Variants in IQGAP1 observed in about 807,000 individuals in gnomAD.
The protein encoded by IQGAP1 is IQ motif containing GTPase activating protein 1, also known as ras GTPase-activating-like protein IQGAP1.
Under a neutral mutation model 215.6 loss-of-function variants are expected in IQGAP1, and 66 were observed. That is an observed-to-expected ratio of 0.31 (90% CI 0.25 to 0.38). The LOEUF (loss-of-function observed/expected upper bound fraction) is 0.38. Among genes scored for constraint, IQGAP1 ranks in the 10% least tolerant of loss-of-function variants. The pLI, the probability that IQGAP1 is intolerant of heterozygous loss-of-function variation, is 1.00. For missense variants in IQGAP1, 1,712 were observed against 1,997.1 expected (o/e 0.86, Z 2.72); for synonymous variants, 772 against 728.7 (o/e 1.06, Z -0.96).
intron 2 of IQGAP1, among the ~76,000 whole-genome samples, chr15:90,394,802 ACTT>A (rs200675826): frequency 1.1e-5 from 1 of 95,176 alleles, no homozygotes; most frequent in Non-Finnish European, 1.9e-5. Flanking sequence ...TAATACCTCT[ACTT>A]CTACTAAAAG....
intron 23 of IQGAP1, among the ~76,000 whole-genome samples, chr15:90,475,324 G>T (rs1009553939): frequency 6.6e-6 from 1 of 151,722 alleles, no homozygotes; most frequent in South Asian, 2.1e-4. Context: ...TAGAGACGGG[G>T]GTTTCACCAT....
chr15:90,429,933 T>C (rs1567123597), intron 4 of IQGAP1: 2 of 250,002 alleles, frequency 8.0e-6, no homozygotes, highest in Non-Finnish European at 1.5e-5. Context: ...CATTTTACTA[T>C]TTTTCCTTAG....
intron 2 of IQGAP1, among the ~76,000 whole-genome samples, chr15:90,397,414 ATTTGTCCTT>A: frequency 6.6e-6 from 1 of 151,578 alleles, no homozygotes. Context: ...GTGAGCCCAA[ATTTGTCCTT>A]TGCAGAATGG....
intron 2 of IQGAP1, among the ~76,000 whole-genome samples, chr15:90,409,762 C>T (rs759445934): frequency 1.3e-5 from 2 of 152,178 alleles, no homozygotes; most frequent in East Asian, 1.9e-4. Flanking sequence ...CTTAGTTCCA[C>T]CAACAGTGTA....
chr15:90,495,917 A>G (rs1483320976), intron 36 of IQGAP1, among the ~76,000 whole-genome samples: 1 of 149,138 alleles, frequency 6.7e-6, no homozygotes, highest in African/African-American at 2.5e-5. Flanking sequence ...ACAGGCCTTT[A>G]TTATTATGTT....
chr15:90,448,251 G>T (rs1202098153), intron 9 of IQGAP1, among the ~76,000 whole-genome samples: 1 of 152,172 alleles, frequency 6.6e-6, no homozygotes, highest in Non-Finnish European at 1.5e-5. Flanking sequence ...CATTTTAAGG[G>T]AATTTAAGCG....
At chr15:90,418,366 C>T (rs1965083131) in intron 2 of IQGAP1, among the ~76,000 whole-genome samples, 1 of 151,900 alleles carries the variant, frequency 6.6e-6, no homozygotes, top group Non-Finnish European at 1.5e-5. Context: ...GTGGAAGGAT[C>T]CCTTGAGCCC....
intron 2 of IQGAP1, among the ~76,000 whole-genome samples, chr15:90,400,750 G>A (rs1285187529): frequency 6.6e-6 from 1 of 152,148 alleles, no homozygotes; most frequent in Non-Finnish European, 1.5e-5. Context: ...TGTCCCTAAT[G>A]ACAAAATAGT....
intron 26 of IQGAP1, among the ~76,000 whole-genome samples, chr15:90,478,782 AT>A (rs2151034095): frequency 6.6e-6 from 1 of 152,250 alleles, no homozygotes; most frequent in African/African-American, 2.4e-5. Flanking sequence ...GTTCATATAG[AT>A]TGGGTGAGAT....
At chr15:90,496,954 C>T (rs1021282574) in intron 36 of IQGAP1, 4 of 252,960 alleles carry the variant, frequency 1.6e-5, no homozygotes, top group Admixed American at 5.4e-5. Context: ...GATGTCATCC[C>T]TTCACACGCC....
chr15:90,492,609 C>T lies in IQGAP1; in HGVS notation c.4526C>T (p.Thr1509Ile). 1 of 1,614,024 alleles carries T rather than the reference C, an allele frequency of 6.2e-7. No homozygotes were observed. Among genetic ancestry groups the T allele is most frequent in the Non-Finnish European group, 8.5e-7 (1 of 1,179,922 alleles). The change falls in exon 35 of 38, where the codon ACA (threonine) becomes ATA (isoleucine). Residue 1509 changes from threonine (T) to isoleucine (I), a missense_variant. Physicochemically the swap from Thr to Ile is moderately conservative, Grantham distance 89. Transcript: ENST00000268182. The stretch of plus-strand genomic sequence containing the variant: ...GCCGAACTAGTGAAACTGCAACAGA[C>T]ATACGCTGCTCTGAACTCTAAGGCC... ...RKAELVKLQQ[T>I]YAALNSKATF...
At chr15:90,450,884 C>T (rs560403674) in intron 11 of IQGAP1, among the ~76,000 whole-genome samples, 11 of 146,048 alleles carry the variant, frequency 7.5e-5, no homozygotes, top group East Asian at 4.0e-4. Flanking sequence ...TCAGATGGAT[C>T]GTTTGCAAAT....
intron 17 of IQGAP1, 136 bp downstream of exon 17, chr15:90,466,572 G>A: frequency 1.2e-6 from 1 of 823,180 alleles, no homozygotes; most frequent in Non-Finnish European, 1.9e-6. Context: ...CATTTTAAAG[G>A]AGATAAAATC....
chr15:90,396,048 C>T (rs1964714416), intron 2 of IQGAP1, among the ~76,000 whole-genome samples: 1 of 152,206 alleles, frequency 6.6e-6, no homozygotes, highest in Non-Finnish European at 1.5e-5. Context: ...CTGTCAGCAA[C>T]TCCACGGTGA....
chr15:90,473,018 A>G lies in IQGAP1; in HGVS notation c.2349+8A>G. Reference sequence around the variant, plus strand: ...GCCATCACCTGCATTCAGGTATTTCAGAACCTATCACACAGACAGCAAGCG... The same window carrying G: ...GCCATCACCTGCATTCAGGTATTTCGGAACCTATCACACAGACAGCAAGCG... On this transcript the variant is annotated splice_region_variant and intron_variant, in intron 19 of 37. Transcript: ENST00000268182. 2 of 1,612,976 alleles carry G rather than the reference A, an allele frequency of 1.2e-6. No individual in the cohort carries two copies. The highest frequency in any genetic ancestry group is 1.7e-6 in the Non-Finnish European group (2 of 1,179,220).
chr15:90,442,438 C>G (rs980809369), intron 8 of IQGAP1, among the ~76,000 whole-genome samples: 6 of 137,192 alleles, frequency 4.4e-5, no homozygotes, highest in Admixed American at 1.6e-4. Context: ...GGGCGAGACT[C>G]CGTCTCGGGG....
chr15:90,434,884 G>A (rs925399170), intron 5 of IQGAP1, among the ~76,000 whole-genome samples: 5 of 152,132 alleles, frequency 3.3e-5, no homozygotes, highest in Non-Finnish European at 5.9e-5. Flanking sequence ...TAGTATTTTA[G>A]CAGATTTACT....
In IQGAP1 at chr15:90,466,336, C is replaced by T. The variant is rs190850590; in HGVS notation, c.1935C>T (p.Ala645=). ...ESGDVGKTLS[A]LRSPDVGLYG... is the part of the protein sequence containing the mutation. ...GTGATGTTGGCAAAACACTGAGTGC[C>T]CTTCGCTCCCCTGATGTTGGCTTGT... is the stretch of plus-strand genomic sequence containing the variant. The change falls in exon 17 of 38, where the codon GCC becomes GCT. Residue 645 remains alanine (A), a synonymous_variant. Coordinates refer to ENST00000268182, the MANE Select transcript of IQGAP1 (RefSeq NM_003870.4). The T allele has an allele frequency of 6.2e-7, 1 of 1,614,078 alleles. No homozygotes were observed. Among genetic ancestry groups the T allele is most frequent in the East Asian group, 2.2e-5 (1 of 44,884 alleles).
chr15:90,431,160 A>G (rs1179836952), intron 4 of IQGAP1: 2 of 151,636 alleles, frequency 1.3e-5, no homozygotes, highest in African/African-American at 4.8e-5. Context: ...ATACCTGTGG[A>G]ATTGTGTTAA....
Sources: allele counts gnomAD v4.1 joint callset (sites outside exome capture counted in the v4.1 genomes callset), GRCh38; gene constraint gnomAD v4.1.1; transcripts MANE v1.5; gene names NCBI Gene and HGNC (gene_info 2026-07-23, HGNC 2026-07-21).